The following CDH8 variants were observed in gnomAD, a reference collection of about 807,000 sequenced individuals.
CDH8 encodes cadherin-8.
A neutral mutation model predicts 68.1 loss-of-function variants in CDH8; 17 were observed. The observed-to-expected ratio is 0.25, with a 90% confidence interval of 0.17 to 0.37. CDH8 has a LOEUF of 0.37. CDH8 is among the 10% of genes least tolerant of loss of function. The pLI, the probability that CDH8 is intolerant of heterozygous loss-of-function variation, is 1.00. For missense variants in CDH8, 763 were observed against 999.3 expected (o/e 0.76, Z 3.19); for synonymous variants, 372 against 365.1 (o/e 1.02, Z -0.21).
intron 10 of CDH8, among the ~76,000 whole-genome samples, chr16:61,702,432 G>A (rs1964449878): frequency 6.6e-6 from 1 of 151,986 alleles, no homozygotes; most frequent in African/African-American, 2.4e-5. Context: ...ATTTCTTAAT[G>A]AGTCAGTGTC....
chr16:62,019,976 C>T (rs1264007455), intron 2 of CDH8, among the ~76,000 whole-genome samples: 1 of 152,116 alleles, frequency 6.6e-6, no homozygotes, highest in Non-Finnish European at 1.5e-5. Flanking sequence ...GCATCTGGCA[C>T]ATAGGAAAGG....
intron 8 of CDH8, among the ~76,000 whole-genome samples, chr16:61,734,644 C>T (rs72796890): frequency 0.011 from 1,663 of 150,610 alleles, 19 homozygotes; most frequent in South Asian, 0.02. Context: ...TTCCTTCCTT[C>T]TCTCTCTCTC....
At chr16:62,004,691 A>C (rs1321380775) in intron 2 of CDH8, among the ~76,000 whole-genome samples, 2 of 152,240 alleles carry the variant, frequency 1.3e-5, no homozygotes, top group Non-Finnish European at 1.5e-5. Context: ...TATGGCTCAT[A>C]AAAAGCATGG....
chr16:61,929,836 G>A (rs1964512378), intron 2 of CDH8, among the ~76,000 whole-genome samples: 1 of 152,110 alleles, frequency 6.6e-6, no homozygotes, highest in African/African-American at 2.4e-5. Context: ...GCTGCAGTGA[G>A]CTATGATCAA....
At chr16:61,789,753 A>G (rs1961334691) in intron 7 of CDH8, among the ~76,000 whole-genome samples, 1 of 152,142 alleles carries the variant, frequency 6.6e-6, no homozygotes, top group Non-Finnish European at 1.5e-5. Flanking sequence ...ATGGATGCTG[A>G]TGAAGAGTTA....
chr16:61,683,857 G>A (rs570326067), intron 10 of CDH8, among the ~76,000 whole-genome samples: 66 of 152,092 alleles, frequency 4.3e-4, no homozygotes, highest in Non-Finnish European at 7.9e-4. Flanking sequence ...CAGGGCCCAT[G>A]TTTGGTATTT....
At chr16:61,686,451 T>A (rs550858328) in intron 10 of CDH8, among the ~76,000 whole-genome samples, 1 of 152,104 alleles carries the variant, frequency 6.6e-6, no homozygotes, top group African/African-American at 2.4e-5. Context: ...ATTTTAAAAA[T>A]CAGCAGTTGG....
At chr16:61,981,751 G>A (rs1012635390) in intron 2 of CDH8, among the ~76,000 whole-genome samples, 1 of 152,014 alleles carries the variant, frequency 6.6e-6, no homozygotes, top group Non-Finnish European at 1.5e-5. Context: ...GTGGGAGCAT[G>A]GAGAATTTTC....
intron 3 of CDH8, among the ~76,000 whole-genome samples, chr16:61,858,665 T>TG (rs1466193161): frequency 1.3e-5 from 2 of 152,168 alleles, no homozygotes; most frequent in East Asian, 3.9e-4. Flanking sequence ...TCAATATCTA[T>TG]GGGGGGAGTG....
chr16:61,845,552 C>T lies in CDH8; in HGVS notation c.667+11567G>A, dbSNP rs569362428. ...CTAATTATAGCTATGCTTGCATTCA[C>T]CAGCCAGTTCAACTCTGTTAACCCT... On this transcript the variant is annotated intron_variant, in intron 4 of 11. Coordinates refer to ENST00000577390, the MANE Select transcript of CDH8 (RefSeq NM_001796.5). Among the ~76,000 whole-genome samples the T allele has an allele frequency of 2.0e-5, 3 of 150,818 alleles. No homozygotes were observed. The South Asian group carries it at 6.3e-4, about 32-fold the overall frequency.
intron 8 of CDH8, among the ~76,000 whole-genome samples, chr16:61,731,002 G>A (rs1022970778): frequency 6.6e-6 from 1 of 151,582 alleles, no homozygotes; most frequent in African/African-American, 2.4e-5. Context: ...GGATACAGCA[G>A]GTGAGACAAA....
At chr16:61,808,131 C>T (rs1327269138) in intron 7 of CDH8, among the ~76,000 whole-genome samples, 1 of 152,168 alleles carries the variant, frequency 6.6e-6, no homozygotes, top group African/African-American at 2.4e-5. Flanking sequence ...CAGAAGAATG[C>T]ATATTCAAGT....
intron 3 of CDH8, among the ~76,000 whole-genome samples, chr16:61,868,346 T>C (rs927844070): frequency 2.6e-5 from 4 of 152,226 alleles, no homozygotes; most frequent in African/African-American, 9.6e-5. Flanking sequence ...AGAGAATTAA[T>C]AGCTTATTTT....
chr16:61,654,532 A>T (rs1963397628), intron 11 of CDH8, among the ~76,000 whole-genome samples: 1 of 152,132 alleles, frequency 6.6e-6, no homozygotes, highest in African/African-American at 2.4e-5. Context: ...TTGGGCTTTC[A>T]CAGTTTTTCA....
At chr16:61,830,002 A>G (rs1238919223) in intron 4 of CDH8, among the ~76,000 whole-genome samples, 1 of 151,808 alleles carries the variant, frequency 6.6e-6, no homozygotes, top group Non-Finnish European at 1.5e-5. Flanking sequence ...ATTCCTATTC[A>G]CAATGTATTT....
chr16:61,984,127 C>T (rs746370228), intron 2 of CDH8, among the ~76,000 whole-genome samples: 38 of 152,034 alleles, frequency 2.5e-4, no homozygotes, highest in Admixed American at 6.6e-4. Context: ...TCATATTGGC[C>T]GGGCTTGTCT....
intron 7 of CDH8, among the ~76,000 whole-genome samples, chr16:61,799,669 C>T (rs1273580945): frequency 6.6e-6 from 1 of 151,860 alleles, no homozygotes; most frequent in African/African-American, 2.4e-5. Flanking sequence ...AAGTGGTTTC[C>T]ATTTTGGTAA....
rs1182171391 is a variant in CDH8 at position 61,925,317 on chromosome 16, T to C, written c.253-23844A>G. ...GATTTTGTTTTTCTTGTTGTGGTTGTTTTAATAGAACACTGAGAAGCTAAT... is the reference window on the plus strand; with the variant it reads ...GATTTTGTTTTTCTTGTTGTGGTTGCTTTAATAGAACACTGAGAAGCTAAT... On this transcript the variant is annotated intron_variant, in intron 2 of 11. Transcript: ENST00000577390. Among the ~76,000 whole-genome samples the C allele has an allele frequency of 4.6e-5, 7 of 152,334 alleles. No individual in the cohort carries two copies. In the East Asian group the frequency reaches 1.4e-3, roughly 29 times the overall value.
intron 2 of CDH8, among the ~76,000 whole-genome samples, chr16:61,986,009 C>T (rs546173979): frequency 1.7e-4 from 26 of 150,632 alleles, no homozygotes; most frequent in African/African-American, 2.2e-4. Flanking sequence ...CTGCAACCTC[C>T]GCCTCCCTGG....
Sources: allele counts gnomAD v4.1 joint callset (sites outside exome capture counted in the v4.1 genomes callset), GRCh38; gene constraint gnomAD v4.1.1; transcripts MANE v1.5; gene names NCBI Gene and HGNC (gene_info 2026-07-23, HGNC 2026-07-21).